PIK3R4: variants seen among roughly 807,000 people sequenced by gnomAD.
PIK3R4 encodes phosphoinositide 3-kinase regulatory subunit 4.
PIK3R4 carries 46 observed loss-of-function variants against 136.5 expected under a neutral mutation model. The observed-to-expected ratio is 0.34, with a 90% CI of 0.27 to 0.43. The LOEUF is 0.43. Among genes scored for constraint, PIK3R4 ranks in the 20% least tolerant of loss-of-function variants. The pLI is 1.00. For missense variants in PIK3R4, 1,331 were observed against 1,649.5 expected, an observed-to-expected ratio of 0.81 and a Z score of 3.35; for synonymous variants, 557 against 566.7, an observed-to-expected ratio of 0.98 and a Z score of 0.24.
intron 3 of PIK3R4, among the ~76,000 whole-genome samples, chr3:130,734,511 T>C (rs910667166): frequency 5.9e-5 from 9 of 152,170 alleles, no homozygotes; most frequent in African/African-American, 9.7e-5. Flanking sequence ...AAAAAACACA[T>C]ACAATTCTGG....
At chr3:130,731,101 ATAACTAC>A (rs1328396703) in intron 4 of PIK3R4, among the ~76,000 whole-genome samples, 2 of 152,142 alleles carry the variant, frequency 1.3e-5, no homozygotes, top group Admixed American at 6.5e-5. Flanking sequence ...CCACTACAAA[ATAACTAC>A]TTCTAATTTC....
At chr3:130,727,495 T>G (rs1036649159) in intron 6 of PIK3R4, among the ~76,000 whole-genome samples, 15 of 151,880 alleles carry the variant, frequency 9.9e-5, no homozygotes, top group Non-Finnish European at 1.5e-5. Context: ...AGTGCTGGGA[T>G]TACAGGCGTG....
At chr3:130,746,110 G>A (rs1310076140) in intron 1 of PIK3R4, among the ~76,000 whole-genome samples, 2 of 151,990 alleles carry the variant, frequency 1.3e-5, no homozygotes, top group East Asian at 1.9e-4. Flanking sequence ...GACACTTCCT[G>A]CCTAATTCCA....
At chr3:130,716,675 T>G in intron 8 of PIK3R4, 76 bp from the exon 9 acceptor site, 2 of 857,978 alleles carry the variant, frequency 2.3e-6, no homozygotes. Context: ...AAATACAACT[T>G]GAGAAAAGTT....
Position 130,698,791 on chromosome 3 carries a change from G to A in PIK3R4, c.3098+4932C>T, listed in dbSNP as rs541679370. Among the ~76,000 whole-genome samples, 25 of 152,290 alleles carry A rather than the reference G, an allele frequency of 1.6e-4. 1 individual carries two copies. The East Asian group carries it at 2.1e-3, about 13-fold the overall frequency. On this transcript the variant is annotated intron_variant, in intron 13 of 19. Transcript: ENST00000356763. The stretch of plus-strand genomic sequence containing the variant: ...TCAATTTTGGAAATAAGATTCCAAA[G>A]TGTTGCTATTTGTTTAATGACTTTC...
intron 16 of PIK3R4, among the ~76,000 whole-genome samples, chr3:130,682,120 G>A (rs1196428742): frequency 6.6e-6 from 1 of 152,126 alleles, no homozygotes; most frequent in Non-Finnish European, 1.5e-5. Flanking sequence ...CCTATCCCCT[G>A]GAACCTGTGA....
chr3:130,732,605 T>C (rs1368738922), intron 4 of PIK3R4, among the ~76,000 whole-genome samples: 3 of 152,030 alleles, frequency 2.0e-5, no homozygotes, highest in Non-Finnish European at 4.4e-5. Flanking sequence ...ATAGAAACCA[T>C]AAATAAATAA....
rs146978118 is a variant in PIK3R4, at chr3:130,681,447, G to A, written c.3708+44C>T. The A allele has an allele frequency of 3.7e-4, 428 of 1,171,894 alleles. 4 individuals are homozygous for A. In the East Asian group the frequency reaches 9.9e-3, roughly 27 times the overall value. The allele number at this position is 1,171,894 out of a possible 1,614,324, so 72.6% of individuals were successfully genotyped here. The stretch of plus-strand genomic sequence containing the variant: ...TTAAATGCCTGAAAGTACTTAGGAT[G>A]TGGGGAATAATATCATCCTTTACAG... On this transcript the variant is annotated intron_variant, in intron 17 of 19. Coordinates refer to ENST00000356763, the MANE Select transcript of PIK3R4 (RefSeq NM_014602.3).
Position 130,701,286 on chromosome 3 carries a change from C to T in PIK3R4, c.3098+2437G>A, listed in dbSNP as rs539905110. 4.2e-3 allele frequency among the ~76,000 whole-genome samples: 641 copies of T among 151,850 alleles called. 1 individual carries two copies. Among genetic ancestry groups the T allele is most frequent in the African/African-American group, 0.014 (590 of 41,406 alleles). ...CAGCACTTTGGGAGGCTGAGGCGGG[C>T]GGATCACTTGAGGTCAGGAGTTCAA... On this transcript the variant is annotated intron_variant, in intron 13 of 19. Transcript: ENST00000356763.
intron 12 of PIK3R4, 125 bp downstream of exon 12, chr3:130,705,436 G>T: frequency 1.5e-6 from 1 of 654,130 alleles, no homozygotes. Context: ...TCTTCTTCTG[G>T]GTTTCCCAAA....
At chr3:130,718,042 TCA>T (rs1184205287) in intron 8 of PIK3R4, among the ~76,000 whole-genome samples, 1 of 152,172 alleles carries the variant, frequency 6.6e-6, no homozygotes, top group African/African-American at 2.4e-5. Context: ...CTGGATGCAA[TCA>T]GTTATACTTT....
chr3:130,692,118 G>A (rs1018539524), intron 13 of PIK3R4, among the ~76,000 whole-genome samples: 40 of 151,694 alleles, frequency 2.6e-4, no homozygotes, highest in Admixed American at 2.1e-3. Flanking sequence ...CTAGTGATCC[G>A]CCTGCCTCAG....
intron 2 of PIK3R4, among the ~76,000 whole-genome samples, chr3:130,742,325 T>C (rs1440396957): frequency 1.3e-5 from 2 of 152,154 alleles, no homozygotes; most frequent in African/African-American, 4.8e-5. Flanking sequence ...AAAACTATAA[T>C]GCACAAAAAA....
chr3:130,717,623 A>C (rs2066673069), intron 8 of PIK3R4, among the ~76,000 whole-genome samples: 1 of 152,226 alleles, frequency 6.6e-6, no homozygotes, highest in Non-Finnish European at 1.5e-5. Context: ...GTATAACCAA[A>C]GCTTCCTAGT....
At chr3:130,719,369 T>G (rs1454627066) in intron 7 of PIK3R4, among the ~76,000 whole-genome samples, 1 of 152,202 alleles carries the variant, frequency 6.6e-6, no homozygotes, top group East Asian at 1.9e-4. Context: ...TTCTAATATT[T>G]ATTTAGTGTA....
In PIK3R4 at chr3:130,705,730, T is replaced by C; in HGVS notation, c.2763A>G (p.Ile921Met). 4 of 1,612,012 alleles carry C rather than the reference T, an allele frequency of 2.5e-6. No individual in the cohort carries two copies. Among genetic ancestry groups the C allele is most frequent in the Non-Finnish European group, 3.4e-6 (4 of 1,178,124 alleles). The change falls in exon 12 of 20, where the codon ATA becomes ATG. Residue 921 changes from isoleucine to methionine, a missense_variant. Ile to Met is a conservative substitution (Grantham distance 10, BLOSUM62 1). Around this residue, in one of 2 missense-constraint regions of PIK3R4, gnomAD observed 1,180 missense variants for 1,407.0 expected, o/e 0.84. Coordinates refer to ENST00000356763, the MANE Select transcript of PIK3R4 (RefSeq NM_014602.3). ...VTTVQNKKPV[I>M]PVLSSTILPS... Reference sequence around the variant, plus strand: ...GTAAGATTGTACTACTTAAAACCGGTATTACTGGTTTTTTATTTTGGACAG... The same window carrying C: ...GTAAGATTGTACTACTTAAAACCGGCATTACTGGTTTTTTATTTTGGACAG...
In PIK3R4 at chr3:130,728,698, A is replaced by T. The variant is rs749483747; in HGVS notation, c.1586-14T>A. ...AGGCTTGGAGCTCTAAAAAAAAAAA[A>T]AAAAGAAAGAAAGAAAGAAAGAAAA... is the stretch of plus-strand genomic sequence containing the variant. On this transcript the variant is annotated splice_polypyrimidine_tract_variant and intron_variant, in intron 5 of 19. Transcript: ENST00000356763. 11 of 1,480,144 alleles carry T rather than the reference A, an allele frequency of 7.4e-6. No individual in the cohort carries two copies. The East Asian group carries it at 2.3e-4, about 31-fold the overall frequency. The allele number at this position is 1,480,144 out of a possible 1,614,324, so 91.7% of individuals were successfully genotyped here.
chr3:130,704,149 G>C (rs1269529342), intron 12 of PIK3R4, among the ~76,000 whole-genome samples: 1 of 152,170 alleles, frequency 6.6e-6, no homozygotes, highest in African/African-American at 2.4e-5. Context: ...GATCTGAGAA[G>C]GCACAGCAGT....
chr3:130,739,990 G>C (rs1008966825), intron 2 of PIK3R4, among the ~76,000 whole-genome samples: 12 of 152,138 alleles, frequency 7.9e-5, no homozygotes, highest in African/African-American at 2.9e-4. Context: ...ACTGAGTAAG[G>C]GCTATACTCT....
Sources: gnomAD v4.1 joint callset for allele counts (sites outside exome capture counted in the v4.1 genomes callset) on GRCh38, gnomAD v4.1.1 for gene constraint, gnomAD v4.1.1 regional missense constraint, MANE v1.5 for transcripts, NCBI Gene and HGNC (gene_info 2026-07-23, HGNC 2026-07-21) for gene names.